The following SBF2 variants were observed in gnomAD, a reference collection of about 807,000 sequenced individuals.
SBF2 encodes myotubularin-related protein 13.
In SBF2, 112 loss-of-function variants were observed where a neutral mutation model predicts 225.2. The observed-to-expected ratio is 0.50, with a 90% CI of 0.43 to 0.58. The LOEUF (loss-of-function observed/expected upper bound fraction) is 0.58, where lower values mean the gene tolerates loss of function less well. SBF2 is among the 20% of genes least tolerant of loss of function. SBF2 has a pLI of 0.00. For synonymous variants in SBF2, 763 were observed against 773.3 expected, an observed-to-expected ratio of 0.99 and a Z score of 0.22; for missense variants, 1,996 against 2,206.2, an observed-to-expected ratio of 0.90 and a Z score of 1.91.
intron 16 of SBF2, among the ~76,000 whole-genome samples, chr11:9,913,941 A>T (rs1862861987): frequency 6.6e-6 from 1 of 152,236 alleles, no homozygotes; most frequent in Admixed American, 6.5e-5. Context: ...GGCTCAAGCC[A>T]TCCACCTGCT....
chr11:10,286,727 C>G (rs1380386800), intron 1 of SBF2, among the ~76,000 whole-genome samples: 1 of 152,030 alleles, frequency 6.6e-6, no homozygotes, highest in African/African-American at 2.4e-5. Flanking sequence ...CAAAAAATGG[C>G]TACTCCACAG....
intron 1 of SBF2, among the ~76,000 whole-genome samples, chr11:10,216,078 AATGTTTCC>A (rs1958120102): frequency 6.6e-6 from 1 of 152,142 alleles, no homozygotes; most frequent in African/African-American, 2.4e-5. Context: ...TCTTTTTAGG[AATGTTTCC>A]TGACACCTTG....
intron 1 of SBF2, 120 bp downstream of exon 1, chr11:10,293,895 C>T: frequency 1.4e-6 from 1 of 702,698 alleles, no homozygotes. Flanking sequence ...ACCGCCCGCT[C>T]CTCCGAGACT....
chr11:9,945,979 C>T (rs1463426201), intron 16 of SBF2, among the ~76,000 whole-genome samples: 2 of 151,944 alleles, frequency 1.3e-5, no homozygotes, highest in Non-Finnish European at 2.9e-5. Flanking sequence ...TTATACTTTG[C>T]TGGTGGGAAT....
chr11:10,096,498 C>T (rs1320043879), intron 2 of SBF2, among the ~76,000 whole-genome samples: 1 of 150,204 alleles, frequency 6.7e-6, no homozygotes, highest in African/African-American at 2.4e-5. Flanking sequence ...CAGGAATCAG[C>T]TATTTAAATC....
chr11:10,210,417 A>T (rs2135380510), intron 1 of SBF2, among the ~76,000 whole-genome samples: 1 of 152,252 alleles, frequency 6.6e-6, no homozygotes, highest in Middle Eastern at 3.4e-3. Flanking sequence ...TATTTTAAGG[A>T]GAATTTCTGG....
At chr11:9,816,133 T>C (rs1238110894) in intron 29 of SBF2, among the ~76,000 whole-genome samples, 2 of 152,248 alleles carry the variant, frequency 1.3e-5, no homozygotes, top group East Asian at 3.8e-4. Context: ...ATGAAATTTA[T>C]TTTGTAATGT....
rs1590798383 is a variant in SBF2 at position 10,031,318 on chromosome 11, A to G, written c.280-148T>C. On this transcript the variant is annotated intron_variant, in intron 3 of 39. Transcript: ENST00000256190. ...AAAAATCAAACTACAAATAAAGAAT[A>G]GACTTTAAGAGCATTCTAAAAGTAA... 4.5e-5 allele frequency: 34 copies of G among 751,018 alleles called. No individual in the cohort carries two copies. In the East Asian group the frequency reaches 1.0e-3, roughly 22 times the overall value. The allele number at this position is 751,018 out of a possible 1,614,324, so 46.5% of individuals were successfully genotyped here.
At chr11:10,010,741 GAAATTTA>G (rs897336098) in intron 6 of SBF2, among the ~76,000 whole-genome samples, 1 of 152,132 alleles carries the variant, frequency 6.6e-6, no homozygotes, top group African/African-American at 2.4e-5. Context: ...GGTTTCATTT[GAAATTTA>G]AAGTAGTTTT....
At chr11:10,095,444 A>G (rs1378098467) in intron 2 of SBF2, among the ~76,000 whole-genome samples, 1 of 152,196 alleles carries the variant, frequency 6.6e-6, no homozygotes, top group Non-Finnish European at 1.5e-5. Context: ...ACTTTAATGA[A>G]AACAGATTTA....
rs1441833591 is a variant in SBF2 at position 9,989,547 on chromosome 11, C to G, written c.1345G>C (p.Val449Leu). 3 of 1,610,916 alleles carry G rather than the reference C, an allele frequency of 1.9e-6. No homozygotes were observed. Among genetic ancestry groups the G allele is most frequent in the African/African-American group, 1.3e-5 (1 of 74,864 alleles). The change falls in exon 13 of 40, where the codon GTG becomes CTG. Residue 449 changes from valine (V) to leucine (L), a missense_variant. Val to Leu is a conservative substitution (Grantham distance 32, BLOSUM62 1). Transcript: ENST00000256190. The stretch of plus-strand genomic sequence containing the variant: ...TCCCTGACATGCTTTATCATCTTCA[C>G]TGGGTTATTTTCTTCAACTTTAATT... Reference protein sequence around the residue: ...ERIKVEENNPVKMIKHVRELA... With the variant: ...ERIKVEENNPLKMIKHVRELA...
intron 21 of SBF2, among the ~76,000 whole-genome samples, chr11:9,850,584 T>A (rs1175551427): frequency 2.0e-5 from 3 of 152,152 alleles, no homozygotes; most frequent in Non-Finnish European, 4.4e-5. Flanking sequence ...TTGTGGAGTT[T>A]CTAATACTTA....
intron 6 of SBF2, among the ~76,000 whole-genome samples, chr11:10,025,213 T>G (rs1949006267): frequency 6.6e-6 from 1 of 152,112 alleles, no homozygotes. Flanking sequence ...TACTTTTACT[T>G]CTATGAGATG....
intron 1 of SBF2, among the ~76,000 whole-genome samples, chr11:10,256,814 C>T (rs1960902952): frequency 6.6e-6 from 1 of 152,162 alleles, no homozygotes; most frequent in Non-Finnish European, 1.5e-5. Flanking sequence ...TAGCATCTCT[C>T]TCATCAAAAT....
intron 16 of SBF2, among the ~76,000 whole-genome samples, chr11:9,912,997 G>C (rs1173748397): frequency 6.6e-6 from 1 of 152,174 alleles, no homozygotes. Context: ...TCAAAAAAGA[G>C]AAAACCGTGC....
intron 34 of SBF2, 25 bp from the exon 35 acceptor site, chr11:9,789,367 T>G: frequency 6.3e-7 from 1 of 1,581,478 alleles, no homozygotes. Flanking sequence ...AGAAATATAG[T>G]TTCATCTTGA....
chr11:10,004,770 C>T (rs1162166108), intron 6 of SBF2, among the ~76,000 whole-genome samples: 1 of 152,046 alleles, frequency 6.6e-6, no homozygotes, highest in Non-Finnish European at 1.5e-5. Flanking sequence ...AGTGACTATT[C>T]CTCTATCTTC....
chr11:10,102,300 TG>T (rs1952342118), intron 2 of SBF2, among the ~76,000 whole-genome samples: 2 of 152,242 alleles, frequency 1.3e-5, no homozygotes, highest in Non-Finnish European at 2.9e-5. Context: ...AGACCTCATC[TG>T]CACTTCTGTC....
At chr11:10,297,685 G>T (rs750166196), upstream of SBF2, among the ~76,000 whole-genome samples, 13 of 152,124 alleles carry the variant, frequency 8.5e-5, no homozygotes, top group East Asian at 1.9e-4. Context: ...ATGCTATTCT[G>T]CTTTTAGGCA....
Sources: allele counts gnomAD v4.1 joint callset (sites outside exome capture counted in the v4.1 genomes callset), GRCh38; gene constraint gnomAD v4.1.1; transcripts MANE v1.5; gene names NCBI Gene and HGNC (gene_info 2026-07-23, HGNC 2026-07-21).